GTF2B: variants seen among roughly 807,000 people sequenced by gnomAD.
GTF2B encodes the protein general transcription factor IIB.
A neutral mutation model predicts 34.6 loss-of-function variants in GTF2B; 20 were observed. That is an observed-to-expected ratio of 0.58 (90% CI 0.41 to 0.84). The LOEUF (loss-of-function observed/expected upper bound fraction) is 0.84, where lower values mean the gene tolerates loss of function less well. Among genes scored for constraint, GTF2B ranks in the 40% least tolerant of loss-of-function variants. The pLI is 0.00. For synonymous variants in GTF2B, 142 were observed against 132.4 expected (o/e 1.07, Z -0.50); for missense variants, 237 against 393.3 (o/e 0.60, Z 3.36).
chr1:88,877,399 T>G (rs1281791517), intron 2 of GTF2B, among the ~76,000 whole-genome samples: 1 of 152,210 alleles, frequency 6.6e-6, no homozygotes. Flanking sequence ...AACTCCTCAT[T>G]GTGAAATAAT....
chr1:88,885,411 G>C (rs1399720043), intron 2 of GTF2B, among the ~76,000 whole-genome samples: 1 of 151,388 alleles, frequency 6.6e-6, no homozygotes, highest in African/African-American at 2.4e-5. Context: ...CGGCACTCCA[G>C]CCTGGGCAAC....
At chr1:88,856,291 C>T (rs2810880) in intron 6 of GTF2B, among the ~76,000 whole-genome samples, 1 of 86,146 alleles carries the variant, frequency 1.2e-5, no homozygotes, top group Non-Finnish European at 2.2e-5. Context: ...AAAAAAAAAA[C>T]AAAAAAAAAA....
chr1:88,871,880 C>CGT (rs1557657514), intron 2 of GTF2B, among the ~76,000 whole-genome samples: 1 of 151,888 alleles, frequency 6.6e-6, no homozygotes, highest in Non-Finnish European at 1.5e-5. Context: ...TACAGGCATC[C>CGT]ACCACCACGC....
rs571227165 is a variant in GTF2B at position 88,873,609 on chromosome 1, T to C, written c.125-9495A>G. On this transcript the variant is annotated intron_variant, in intron 2 of 6. Coordinates refer to ENST00000370500, the MANE Select transcript of GTF2B (RefSeq NM_001514.6). ...AGTTTCTCATGTTAACAGTCCATAC[T>C]TAACAGTCCTAGGCTAGTATGACCC... Among the ~76,000 whole-genome samples the C allele has an allele frequency of 3.9e-5, 6 of 152,334 alleles. No homozygotes were observed. The South Asian group carries it at 1.2e-3, about 32-fold the overall frequency.
chr1:88,860,474 C>A (rs1326553526), intron 3 of GTF2B, among the ~76,000 whole-genome samples, 188 bp from the exon 4 acceptor site: 1 of 151,960 alleles, frequency 6.6e-6, no homozygotes, highest in Non-Finnish European at 1.5e-5. Context: ...AAATAGGAAG[C>A]TTAAAGTGTA....
chr1:88,861,905 G>A (rs1347152693), intron 3 of GTF2B, among the ~76,000 whole-genome samples: 6 of 152,154 alleles, frequency 3.9e-5, no homozygotes, highest in Non-Finnish European at 8.8e-5. Context: ...TATCAACCAA[G>A]TGGAGACTGT....
chr1:88,886,291 T>C (rs1674067098), intron 2 of GTF2B, among the ~76,000 whole-genome samples: 1 of 152,152 alleles, frequency 6.6e-6, no homozygotes, highest in Non-Finnish European at 1.5e-5. Context: ...CCACAATCCT[T>C]CTAGAATTTT....
chr1:88,891,503 C>G lies in GTF2B; in HGVS notation c.-4G>C, dbSNP rs760788906. ...CTAACCGGCTGGTAGACGCCATCTT[C>G]ACGGCGACTGCGGTGCCCGCAACAA... On this transcript the variant is annotated 5_prime_UTR_variant, in exon 1 of 7. Coordinates refer to ENST00000370500, the MANE Select transcript of GTF2B (RefSeq NM_001514.6). 30 of 1,602,294 alleles carry G rather than the reference C, an allele frequency of 1.9e-5. No individual in the cohort carries two copies. Among genetic ancestry groups the G allele is most frequent in the Non-Finnish European group, 2.4e-5 (28 of 1,174,210 alleles).
rs869087763 is a variant in GTF2B, at chr1:88,873,182, GTTTTTTTTT to G, written c.125-9077_125-9069del. 5.0e-4 allele frequency among the ~76,000 whole-genome samples: 50 copies of G among 100,454 alleles called. 1 individual carries two copies. In the East Asian group the frequency reaches 0.01, roughly 20 times the overall value. The allele number at this position is 100,454 out of a possible 152,430, so 65.9% of individuals were successfully genotyped here. ...GAAACTTCCCACAGGATTCCATTAA[GTTTTTTTTT>G]TTTTTTTTTTTTTTTTGAGACAGAG... On this transcript the variant is annotated intron_variant, in intron 2 of 6. Transcript: ENST00000370500.
rs1215871671 is a variant in GTF2B at position 88,859,950 on chromosome 1, T to C, written c.467A>G (p.Asn156Ser). Residue 156 changes from asparagine (N) to serine (S), a missense_variant, in exon 5 of 7, where the codon AAT (asparagine) becomes AGT (serine). Coordinates refer to ENST00000370500, the MANE Select transcript of GTF2B (RefSeq NM_001514.6). ...YEQKSLKGRA[N>S]DAIASACLYI... The stretch of plus-strand genomic sequence containing the variant: ...GAGACAAGCAGAAGCTATAGCATCA[T>C]TAGCTCTTCCCTTCAGGCTCTTCTG... 6.2e-7 allele frequency: 1 copy of C among 1,612,446 alleles called. No homozygotes were observed. Among genetic ancestry groups the C allele is most frequent in the South Asian group, 1.1e-5 (1 of 91,046 alleles).
chr1:88,890,772 C>T (rs933706957), intron 1 of GTF2B, among the ~76,000 whole-genome samples: 5 of 152,258 alleles, frequency 3.3e-5, no homozygotes, highest in African/African-American at 1.2e-4. Context: ...CATGCATTTC[C>T]TGTAGATATG....
At chr1:88,888,144 T>C (rs926237766) in intron 1 of GTF2B, 3 of 152,148 alleles carry the variant, frequency 2.0e-5, no homozygotes, top group Non-Finnish European at 4.4e-5. Flanking sequence ...TCACTGCAAA[T>C]AAGGCCCTTT....
At chr1:88,877,756 AC>A (rs1673847928) in intron 2 of GTF2B, among the ~76,000 whole-genome samples, 1 of 152,098 alleles carries the variant, frequency 6.6e-6, no homozygotes, top group Admixed American at 6.6e-5. Flanking sequence ...ATATGGCGAA[AC>A]CCTATCTCTA....
At chr1:88,867,391 C>T (rs1014584762) in intron 2 of GTF2B, among the ~76,000 whole-genome samples, 7 of 152,130 alleles carry the variant, frequency 4.6e-5, no homozygotes, top group Non-Finnish European at 1.0e-4. Flanking sequence ...CCTTTAATAG[C>T]ATCCACCAAT....
In GTF2B at chr1:88,864,000, A is replaced by T; in HGVS notation, c.239T>A (p.Leu80Ter). Residue 80 changes from leucine (L) to a stop codon, truncating the protein, a stop_gained, in exon 3 of 7, where the codon TTG (leucine) becomes TAG (stop). Coordinates refer to ENST00000370500, the MANE Select transcript of GTF2B (RefSeq NM_001514.6). LOFTEE classifies it high-confidence loss of function. ...SQNPLLSDGD[L>*]STMIGKGTGA... is the part of the protein sequence containing the mutation. ...TATTACCTTGCCAATCATGGTAGAC[A>T]AATCTCCATCACTCAGAAGAGGATT... 1.2e-6 allele frequency: 2 copies of T among 1,613,870 alleles called. No homozygotes were observed. Among genetic ancestry groups the T allele is most frequent in the South Asian group, 2.2e-5 (2 of 91,074 alleles).
chr1:88,856,283 AAAAAAAAC>A (rs1470354391), intron 6 of GTF2B, among the ~76,000 whole-genome samples: 6,816 of 120,398 alleles, frequency 0.057, 464 homozygotes, highest in African/African-American at 0.21. Context: ...AAAAAAAAAA[AAAAAAAAC>A]AAAAAAAAAA....
intron 2 of GTF2B, among the ~76,000 whole-genome samples, chr1:88,870,053 G>A (rs1231359005): frequency 1.3e-5 from 2 of 150,586 alleles, no homozygotes; most frequent in African/African-American, 2.4e-5. Flanking sequence ...TCAGCCTCCC[G>A]AGTAGCTGGG....
intron 2 of GTF2B, among the ~76,000 whole-genome samples, chr1:88,886,920 A>AT (rs1222260642): frequency 1.2e-4 from 18 of 149,628 alleles, no homozygotes; most frequent in African/African-American, 3.3e-4. Flanking sequence ...CATTATTATT[A>AT]TTATTATTTT....
intron 1 of GTF2B, 82 bp downstream of exon 1, chr1:88,891,401 C>T: frequency 1.8e-6 from 2 of 1,083,360 alleles, no homozygotes; most frequent in South Asian, 1.4e-5. Flanking sequence ...CTCAGCCCTA[C>T]GAGGCTGCCC....
Sources: allele counts gnomAD v4.1 joint callset (sites outside exome capture counted in the v4.1 genomes callset), GRCh38; gene constraint gnomAD v4.1.1; transcripts MANE v1.5; gene names NCBI Gene and HGNC (gene_info 2026-07-23, HGNC 2026-07-21).